Variants in ARK2C observed in about 807,000 individuals in gnomAD.
ARK2C encodes arkadia (RNF111) C-terminal like ring finger ubiquitin ligase 2C, also known as E3 ubiquitin-protein ligase ARK2C.
At chr18:46,450,124 G>T in the ARK2C span, among the ~76,000 whole-genome samples, 1 of 152,160 alleles carries the variant, frequency 6.6e-6, no homozygotes, top group Non-Finnish European at 1.5e-5. Flanking sequence ...GGCTTGTCCA[G>T]GCAAGGCTTG....
chr18:46,409,804 T>C, the ARK2C span, among the ~76,000 whole-genome samples: 1 of 152,236 alleles, frequency 6.6e-6, no homozygotes, highest in South Asian at 2.1e-4. Flanking sequence ...ATTACTGTCA[T>C]TCTTTCTCAT....
At chr18:46,363,606 C>T in the ARK2C span, among the ~76,000 whole-genome samples, 3 of 152,196 alleles carry the variant, frequency 2.0e-5, no homozygotes, top group Non-Finnish European at 2.9e-5. Context: ...ACAGCCCCAT[C>T]ACGGGCCCAG....
the ARK2C span, among the ~76,000 whole-genome samples, chr18:46,417,366 C>T: frequency 6.6e-6 from 1 of 152,218 alleles, no homozygotes; most frequent in Non-Finnish European, 1.5e-5. Context: ...CCATCTGTCT[C>T]CCCAGCCCCC....
the ARK2C span, among the ~76,000 whole-genome samples, chr18:46,349,607 G>A: frequency 6.6e-6 from 1 of 152,232 alleles, no homozygotes; most frequent in South Asian, 2.1e-4. Flanking sequence ...CCAGCCAGGG[G>A]AAGCTGCCAG....
At chr18:46,462,148 C>G in the ARK2C span, 1 of 152,354 alleles carries the variant, frequency 6.6e-6, no homozygotes, top group South Asian at 2.1e-4. Flanking sequence ...GAGTGGGCCT[C>G]CAGTCCCCCT....
chr18:46,404,559 G>C, the ARK2C span, among the ~76,000 whole-genome samples: 1 of 152,234 alleles, frequency 6.6e-6, no homozygotes, highest in Admixed American at 6.5e-5. Flanking sequence ...GTCGAGACCA[G>C]CCTGACTAAC....
At chr18:46,396,556 A>G in the ARK2C span, among the ~76,000 whole-genome samples, 2 of 152,214 alleles carry the variant, frequency 1.3e-5, no homozygotes, top group African/African-American at 4.8e-5. Context: ...TAGTTGGTAA[A>G]TGTGAAATTA....
chr18:46,389,080 A>G, the ARK2C span, among the ~76,000 whole-genome samples: 1 of 152,212 alleles, frequency 6.6e-6, no homozygotes. Context: ...GAGGGGGAAG[A>G]CAGGCTTAGG....
At chr18:46,436,031 T>G in the ARK2C span, among the ~76,000 whole-genome samples, 2 of 152,184 alleles carry the variant, frequency 1.3e-5, no homozygotes, top group Non-Finnish European at 2.9e-5. Context: ...ACAGATATCT[T>G]TGTTGTCCTG....
the ARK2C span, among the ~76,000 whole-genome samples, chr18:46,361,308 T>C: frequency 6.6e-6 from 1 of 152,210 alleles, no homozygotes; most frequent in Admixed American, 6.5e-5. Context: ...CCTGTAGCCT[T>C]GCTCTTCTGA....
At chr18:46,356,771 G>A in the ARK2C span, among the ~76,000 whole-genome samples, 1,357 of 152,244 alleles carry the variant, frequency 8.9e-3, 21 homozygotes, top group African/African-American at 0.031. Flanking sequence ...TCCTTCCACC[G>A]TGTCACCTCT....
chr18:46,334,383 A>G, the ARK2C span: 1 of 1,536,012 alleles, frequency 6.5e-7, no homozygotes, highest in Non-Finnish European at 8.8e-7. This position sits in a 1 kb window ranked among gnomAD's most constrained non-coding sequence, Gnocchi z 4.4. Context: ...GGATCGCCGC[A>G]GGCACCGGGG....
the ARK2C span, among the ~76,000 whole-genome samples, chr18:46,344,586 CCAGGGGACCTTGGCCTCCA>C: frequency 3.3e-5 from 5 of 152,118 alleles, no homozygotes; most frequent in African/African-American, 1.2e-4. Flanking sequence ...TGGCCCTTCC[CCAGGGGACCTTGGCCTCCA>C]CAGGGGACCT....
the ARK2C span, among the ~76,000 whole-genome samples, chr18:46,397,022 G>C: frequency 6.6e-6 from 1 of 152,228 alleles, no homozygotes; most frequent in Non-Finnish European, 1.5e-5. Flanking sequence ...GGCTGTGCGA[G>C]CGTGGCCCAG....
At chr18:46,345,577 G>A in the ARK2C span, among the ~76,000 whole-genome samples, 759 of 152,362 alleles carry the variant, frequency 5.0e-3, 4 homozygotes, top group Non-Finnish European at 8.2e-3. Flanking sequence ...TGGACTAGAC[G>A]TGTGCGCAGC....
chr18:46,382,075 G>A, the ARK2C span, among the ~76,000 whole-genome samples: 1 of 152,186 alleles, frequency 6.6e-6, no homozygotes, highest in African/African-American at 2.4e-5. Flanking sequence ...CCTCAGCCTG[G>A]GCATCTGTAG....
At chr18:46,440,349 G>T in the ARK2C span, among the ~76,000 whole-genome samples, 6 of 152,028 alleles carry the variant, frequency 3.9e-5, no homozygotes, top group Non-Finnish European at 7.4e-5. Flanking sequence ...GTTCTATTTT[G>T]TTATTGGTTA....
chr18:46,377,955 G>A, the ARK2C span, among the ~76,000 whole-genome samples: 2 of 152,090 alleles, frequency 1.3e-5, no homozygotes, highest in African/African-American at 4.8e-5. Flanking sequence ...TATGGATGGT[G>A]GTGGACTGCA....
At chr18:46,394,843 T>C in the ARK2C span, among the ~76,000 whole-genome samples, 2 of 152,234 alleles carry the variant, frequency 1.3e-5, no homozygotes, top group Non-Finnish European at 2.9e-5. Flanking sequence ...GCAGGTATTT[T>C]ATTACAGGCT....
Sources: allele counts gnomAD v4.1 joint callset (sites outside exome capture counted in the v4.1 genomes callset), GRCh38; gene constraint gnomAD v4.1.1; non-coding constraint Gnocchi (gnomAD v3.1); transcripts MANE v1.5; gene names NCBI Gene and HGNC (gene_info 2026-07-23, HGNC 2026-07-21).